Variants in CFAP91 observed in about 807,000 individuals in gnomAD.
CFAP91 encodes cilia and flagella associated protein 91.
CFAP91 carries 85 observed loss-of-function variants against 95.9 expected under a neutral mutation model. The ratio of observed to expected loss-of-function variants is 0.89; its 90% CI spans 0.74 to 1.06. CFAP91 has a LOEUF of 1.06. CFAP91 is among the 50% of genes least tolerant of loss of function. The pLI is 0.00. For missense variants in CFAP91, 962 were observed against 943.4 expected (o/e 1.02, Z -0.26); for synonymous variants, 335 against 327.5 (o/e 1.02, Z -0.25).
chr3:119,725,654 G>A (rs1416917102), intron 6 of CFAP91, among the ~76,000 whole-genome samples: 1 of 152,094 alleles, frequency 6.6e-6, no homozygotes, highest in Non-Finnish European at 1.5e-5. Flanking sequence ...CTACTTGGGA[G>A]GCTGAGGTGG....
chr3:119,712,820 TG>T (rs2053496085), intron 5 of CFAP91, among the ~76,000 whole-genome samples: 1 of 151,790 alleles, frequency 6.6e-6, no homozygotes, highest in Non-Finnish European at 1.5e-5. Context: ...CTGGGTGAGG[TG>T]GTGGGCACCT....
chr3:119,758,068 G>T (rs561369608), intron 17 of CFAP91, among the ~76,000 whole-genome samples: 1 of 152,152 alleles, frequency 6.6e-6, no homozygotes, highest in South Asian at 2.1e-4. Flanking sequence ...TGGTTGGTTG[G>T]TTGGTTTTTG....
chr3:119,713,603 A>G (rs2053516620), intron 5 of CFAP91, among the ~76,000 whole-genome samples: 1 of 152,102 alleles, frequency 6.6e-6, no homozygotes, highest in African/African-American at 2.4e-5. Context: ...AAGTGGCTAT[A>G]TTGGTTTTTT....
At chr3:119,723,661 T>C (rs2053726372) in intron 6 of CFAP91, among the ~76,000 whole-genome samples, 1 of 152,222 alleles carries the variant, frequency 6.6e-6, no homozygotes, top group African/African-American at 2.4e-5. Context: ...CTTGCTTCTA[T>C]AGAATTCATT....
chr3:119,756,793 TG>T (rs1244305799), intron 17 of CFAP91, among the ~76,000 whole-genome samples: 1 of 151,654 alleles, frequency 6.6e-6, no homozygotes, highest in East Asian at 1.9e-4. Context: ...CAGAAGAAAA[TG>T]GGACTAAATT....
Position 119,737,487 on chromosome 3 carries a change from G to A in CFAP91, c.1461+5G>A. On this transcript the variant is annotated splice_donor_5th_base_variant and intron_variant, in intron 11 of 17. Transcript: ENST00000273390. ...ACCTTGGAAATGACGTCCAATGTAA[G>A]TTGGAAACTTTTTAGTTGAAATGCT... 2 of 1,542,186 alleles carry A rather than the reference G, an allele frequency of 1.3e-6. No individual in the cohort carries two copies. The highest frequency in any genetic ancestry group is 1.8e-6 in the Non-Finnish European group (2 of 1,125,666).
At chr3:119,721,008 A>C (rs147303009) in intron 6 of CFAP91, among the ~76,000 whole-genome samples, 4 of 152,358 alleles carry the variant, frequency 2.6e-5, no homozygotes, top group African/African-American at 9.6e-5. Flanking sequence ...AAATCCACAG[A>C]TGTAGAACCA....
intron 17 of CFAP91, 100 bp from the exon 18 acceptor site, chr3:119,764,952 T>A (rs1403974787): frequency 2.0e-5 from 3 of 152,182 alleles, no homozygotes; most frequent in African/African-American, 7.2e-5. Flanking sequence ...AAGCTAGGGC[T>A]CAGACACACT....
At chr3:119,749,559 C>T (rs1336987325) in intron 16 of CFAP91, among the ~76,000 whole-genome samples, 1 of 151,994 alleles carries the variant, frequency 6.6e-6, no homozygotes, top group Non-Finnish European at 1.5e-5. Flanking sequence ...GTGATCCCCT[C>T]TCCCATGTTG....
intron 7 of CFAP91, among the ~76,000 whole-genome samples, chr3:119,726,645 C>T (rs1204202594): frequency 6.6e-6 from 1 of 152,150 alleles, no homozygotes; most frequent in Non-Finnish European, 1.5e-5. Flanking sequence ...TCTGATTCTT[C>T]TTTTCCCTTT....
chr3:119,755,958 G>T (rs1434122437), intron 17 of CFAP91, among the ~76,000 whole-genome samples: 2 of 152,174 alleles, frequency 1.3e-5, no homozygotes, highest in Admixed American at 1.3e-4. Flanking sequence ...TTTAGAAAAG[G>T]AGAAAGAGTG....
At chr3:119,741,897 G>A (rs1309860116) in intron 13 of CFAP91, among the ~76,000 whole-genome samples, 1 of 152,152 alleles carries the variant, frequency 6.6e-6, no homozygotes, top group Non-Finnish European at 1.5e-5. Context: ...AGAATGGGGA[G>A]GAAGCAAGCC....
chr3:119,761,162 A>G (rs1559772939), intron 17 of CFAP91, among the ~76,000 whole-genome samples: 1 of 151,808 alleles, frequency 6.6e-6, no homozygotes. Flanking sequence ...GACTTAAGGA[A>G]AATCAGAAGT....
At chr3:119,739,401 C>G (rs2054073790) in intron 12 of CFAP91, 75 bp downstream of exon 12, 7 of 1,335,848 alleles carry the variant, frequency 5.2e-6, no homozygotes, top group Non-Finnish European at 7.5e-6. Flanking sequence ...GTGCTTGGTT[C>G]CTTGGAGTGA....
At position 119,726,439 on chromosome 3, in the gene CFAP91, G is replaced by C. The variant is rs916397461; in HGVS notation, c.860+91G>C. The C allele has an allele frequency of 3.7e-4, 470 of 1,263,766 alleles. 5 individuals are homozygous for C. Among genetic ancestry groups the C allele is most frequent in the Non-Finnish European group, 7.2e-5 (67 of 929,156 alleles). The allele number at this position is 1,263,766 out of a possible 1,614,324, so 78.3% of individuals were successfully genotyped here. A position where few individuals can be genotyped will look rare whatever the true frequency, so the allele number is the denominator to read the frequency against. ...TGCAAAGCATTCTCCCAAATGTATG[G>C]GTTGAAAAGCAATCCTCAACCTATA... On this transcript the variant is annotated intron_variant, in intron 7 of 17. Transcript: ENST00000273390.
chr3:119,737,874 G>A (rs774988177), intron 11 of CFAP91, among the ~76,000 whole-genome samples: 19 of 152,276 alleles, frequency 1.2e-4, no homozygotes, highest in Admixed American at 2.0e-4. Flanking sequence ...TCATCAAGAC[G>A]GACTTGCTTC....
intron 5 of CFAP91, chr3:119,713,088 TTTATTTA>T (rs1415831064): frequency 2.7e-4 from 2 of 7,472 alleles, no homozygotes; most frequent in East Asian, 0.011. Context: ...TTTATTTTTA[TTTATTTA>T]TTTATTTATT....
chr3:119,743,973 A>T lies in CFAP91; in HGVS notation c.1681-2A>T, dbSNP rs779512656. ...CCTTAAAGTTATGTTATTCTTTTCA[A>T]GGTGTCACTGGTTGAAAACCATTTG... is the stretch of plus-strand genomic sequence containing the variant. On this transcript the variant is annotated splice_acceptor_variant, in intron 13 of 17. Coordinates refer to ENST00000273390, the MANE Select transcript of CFAP91 (RefSeq NM_033364.4). LOFTEE classifies it high-confidence loss of function. The T allele has an allele frequency of 1.4e-5, 23 of 1,594,456 alleles. No individual in the cohort carries two copies. Among genetic ancestry groups the T allele is most frequent in the Admixed American group, 3.5e-5 (2 of 56,532 alleles).
At chr3:119,742,725 G>C (rs186883796) in intron 13 of CFAP91, among the ~76,000 whole-genome samples, 2 of 152,260 alleles carry the variant, frequency 1.3e-5, no homozygotes, top group Non-Finnish European at 2.9e-5. Flanking sequence ...GTTGAACTTT[G>C]TGGTTAGAAA....
Sources: allele counts gnomAD v4.1 joint callset (sites outside exome capture counted in the v4.1 genomes callset), GRCh38; gene constraint gnomAD v4.1.1; transcripts MANE v1.5; gene names NCBI Gene and HGNC (gene_info 2026-07-23, HGNC 2026-07-21).